The following PAM16 variants were observed in gnomAD, a reference collection of about 807,000 sequenced individuals.
PAM16 encodes the protein presequence translocase associated motor 16.
Under a neutral mutation model 17.9 loss-of-function variants are expected in PAM16, and 11 were observed. The ratio of observed to expected loss-of-function variants is 0.62; its 90% CI spans 0.39 to 1.02. The LOEUF is 1.02. PAM16 is among the 50% of genes least tolerant of loss of function. The pLI, the probability that PAM16 is intolerant of heterozygous loss-of-function variation, is 0.01. For synonymous variants in PAM16, 72 were observed against 67.4 expected (o/e 1.07, Z -0.34); for missense variants, 199 against 165.4 (o/e 1.20, Z -1.11).
Position 4,343,214 on chromosome 16 carries a change from C to T in PAM16, c.81G>A (p.Glu27=). Residue 27 remains glutamate, a synonymous_variant, in exon 2 of 5, where the codon GAG becomes GAA. Transcript: ENST00000318059. ...AGACGGACCCATGCTTACCTGCAAA[C>T]TCCTGCCGCAAGGCCCGTGCAAAGG... ...GRAFARALRQ[E]FAASRAAADA... is the part of the protein sequence containing the mutation. 6.2e-7 allele frequency: 1 copy of T among 1,612,818 alleles called. No individual in the cohort carries two copies. Among genetic ancestry groups the T allele is most frequent in the East Asian group, 2.2e-5 (1 of 44,884 alleles).
At chr16:4,343,795 AAT>A in intron 1 of PAM16, 1 of 401,660 alleles carries the variant, frequency 2.5e-6, no homozygotes, top group Non-Finnish European at 4.4e-6. Context: ...CATTCCATTC[AAT>A]AAAACAAACT....
chr16:4,348,219 CT>C (rs1567233165), intron 1 of PAM16: 3 of 152,250 alleles, frequency 2.0e-5, no homozygotes, highest in Non-Finnish European at 4.4e-5. Flanking sequence ...GTAAGTGCCC[CT>C]GGTGCATCTG....
chr16:4,340,430 C>A, intron 4 of PAM16, 25 bp from the exon 5 acceptor site: 1 of 1,605,414 alleles, frequency 6.2e-7, no homozygotes, highest in Non-Finnish European at 8.5e-7. Context: ...ATAATCAGGC[C>A]GGGAGGCCAA....
chr16:4,350,406 A>G lies in PAM16; in HGVS notation c.3+826T>C, dbSNP rs530354661. On this transcript the variant is annotated intron_variant, in intron 1 of 4. Transcript: ENST00000318059. Reference sequence around the variant, plus strand: ...TATACGGTATATATAATACATATATATAATTTTTTTTTTGAGACGCAGTCT... The same window carrying G: ...TATACGGTATATATAATACATATATGTAATTTTTTTTTTGAGACGCAGTCT... 4.0e-5 allele frequency among the ~76,000 whole-genome samples: 6 copies of G among 150,932 alleles called. No individual in the cohort carries two copies. The South Asian group carries it at 1.0e-3, about 26-fold the overall frequency.
chr16:4,347,474 T>C (rs1487843679), intron 1 of PAM16: 2 of 152,142 alleles, frequency 1.3e-5, no homozygotes, highest in African/African-American at 2.4e-5. Context: ...ATGGAGAGAA[T>C]AACACCCTCC....
At chr16:4,349,641 C>A (rs2053815626) in intron 1 of PAM16, among the ~76,000 whole-genome samples, 1 of 152,062 alleles carries the variant, frequency 6.6e-6, no homozygotes, top group Non-Finnish European at 1.5e-5. Flanking sequence ...CTGGCACTCA[C>A]CTGTAGGCCC....
At chr16:4,343,871 A>G (rs2053690153) in intron 1 of PAM16, 1 of 398,600 alleles carries the variant, frequency 2.5e-6, no homozygotes, top group Admixed American at 4.4e-5. Flanking sequence ...ATTTAAACAC[A>G]CTATGGACCA....
intron 1 of PAM16, chr16:4,344,151 G>A (rs182572179): frequency 2.3e-5 from 9 of 394,324 alleles, no homozygotes; most frequent in Middle Eastern, 6.3e-4. Flanking sequence ...CAACAGAGTC[G>A]AGGGAAAACT....
At chr16:4,350,893 C>T in intron 1 of PAM16, 1 of 240,448 alleles carries the variant, frequency 4.2e-6, no homozygotes, top group Non-Finnish European at 8.0e-6. Flanking sequence ...GCAACATCGA[C>T]TCTGCAGCGC....
intron 1 of PAM16, chr16:4,343,627 G>T: frequency 7.7e-7 from 1 of 1,297,532 alleles, no homozygotes; most frequent in Non-Finnish European, 1.0e-6. Context: ...CTGGGAGCCA[G>T]AACACAGGGA....
At chr16:4,343,328 C>A (rs372711852) in intron 1 of PAM16, 37 bp from the exon 2 acceptor site, 16 of 1,568,030 alleles carry the variant, frequency 1.0e-5, no homozygotes, top group Middle Eastern at 1.8e-4. Flanking sequence ...GCAGGCCACT[C>A]CCTGTGGGCC....
chr16:4,347,739 T>A (rs1567232862), intron 1 of PAM16: 1 of 151,984 alleles, frequency 6.6e-6, no homozygotes, highest in African/African-American at 2.4e-5. Flanking sequence ...GCTCCAAACA[T>A]CCCATAGTCC....
At chr16:4,340,724 A>G (rs2053630926) in intron 4 of PAM16, among the ~76,000 whole-genome samples, 196 bp downstream of exon 4, 2 of 151,996 alleles carry the variant, frequency 1.3e-5, no homozygotes, top group Non-Finnish European at 2.9e-5. Context: ...GAGTGGCTGG[A>G]CCCCGCAAAG....
At chr16:4,340,875 A>C (rs767628886) in intron 4 of PAM16, 45 bp downstream of exon 4, 1 of 1,609,408 alleles carries the variant, frequency 6.2e-7, no homozygotes, top group South Asian at 1.1e-5. Context: ...GGTGAGAAGA[A>C]GGGGTCCCAT....
rs769249784 is a variant in PAM16, at chr16:4,343,269, A to G, written c.26T>C (p.Ile9Thr). Residue 9 changes from isoleucine to threonine, a missense_variant, in exon 2 of 5, where the codon ATT becomes ACT. Transcript: ENST00000318059. MAKYLAQI[I>T]VMGVQVVGRA... Reference sequence around the variant, plus strand: ...GCCCACCACCTGCACGCCCATCACAATGATCTGGGCCAGGTACTTGGCCTG... The same window carrying G: ...GCCCACCACCTGCACGCCCATCACAGTGATCTGGGCCAGGTACTTGGCCTG... 7.4e-6 allele frequency: 12 copies of G among 1,612,472 alleles called. No individual in the cohort carries two copies. The highest frequency in any genetic ancestry group is 1.0e-5 in the Non-Finnish European group (12 of 1,179,806).
chr16:4,351,118 G>T (rs907171634), intron 1 of PAM16, 114 bp downstream of exon 1: 4 of 496,620 alleles, frequency 8.1e-6, no homozygotes, highest in Non-Finnish European at 1.2e-5. Flanking sequence ...GCTTCCCGCC[G>T]GGCACGCAGG....
intron 3 of PAM16, 72 bp downstream of exon 3, chr16:4,341,296 C>A: frequency 6.6e-7 from 1 of 1,522,014 alleles, no homozygotes; most frequent in Admixed American, 2.0e-5. Flanking sequence ...CCTCCCTGGC[C>A]AGGCCTCCCT....
Position 4,351,276 on chromosome 16 carries a change from GC to G in PAM16, c.-43del. 3 of 1,450,704 alleles carry G rather than the reference GC, an allele frequency of 2.1e-6. No individual in the cohort carries two copies. The highest frequency in any genetic ancestry group is 1.5e-5 in the South Asian group (1 of 68,306). The allele number at this position is 1,450,704 out of a possible 1,614,324, so 89.9% of individuals were successfully genotyped here. A position where few individuals can be genotyped will look rare whatever the true frequency, so the allele number is the denominator to read the frequency against. On this transcript the variant is annotated 5_prime_UTR_variant, in exon 1 of 5. Transcript: ENST00000318059. ...CCGGGGCTCAAACTCCGACTTCCTG[GC>G]CCCGCGGCCGGGGATCAAGCGTGGT...
intron 2 of PAM16, 191 bp from the exon 3 acceptor site, chr16:4,341,695 G>T (rs922237856): frequency 2.1e-6 from 2 of 939,556 alleles, no homozygotes; most frequent in African/African-American, 1.7e-5. Context: ...GGACAGACGT[G>T]CCTCACTGGA....
Sources: gnomAD v4.1 joint callset for allele counts (sites outside exome capture counted in the v4.1 genomes callset) on GRCh38, gnomAD v4.1.1 for gene constraint, MANE v1.5 for transcripts, NCBI Gene and HGNC (gene_info 2026-07-23, HGNC 2026-07-21) for gene names.